Variants in COG5 observed in about 807,000 individuals in gnomAD.
The protein encoded by COG5 is conserved oligomeric Golgi complex subunit 5.
A neutral mutation model predicts 110.4 loss-of-function variants in COG5; 86 were observed. The ratio of observed to expected loss-of-function variants is 0.78; its 90% confidence interval spans 0.65 to 0.93. COG5 has a LOEUF of 0.93. Ranked by LOEUF, COG5 falls within the 40% of genes least tolerant of loss-of-function variation. The pLI is 0.00. For synonymous variants in COG5, 360 were observed against 334.6 expected (o/e 1.08, Z -0.83); for missense variants, 1,077 against 987.0 (o/e 1.09, Z -1.22).
intron 6 of COG5, among the ~76,000 whole-genome samples, chr7:107,468,853 T>C (rs1273800941): frequency 6.6e-6 from 1 of 152,072 alleles, no homozygotes; most frequent in Non-Finnish European, 1.5e-5. Flanking sequence ...TTTAGCCACA[T>C]GTAATGTCCT....
At chr7:107,343,941 G>A (rs1184412107) in intron 10 of COG5, among the ~76,000 whole-genome samples, 3 of 151,056 alleles carry the variant, frequency 2.0e-5, no homozygotes, top group African/African-American at 7.3e-5. Flanking sequence ...ATAAACAGAT[G>A]TGCTATCCTC....
intron 12 of COG5, among the ~76,000 whole-genome samples, chr7:107,289,593 G>A (rs1298983571): frequency 6.6e-6 from 1 of 152,068 alleles, no homozygotes; most frequent in Non-Finnish European, 1.5e-5. Context: ...TCAATTTGGG[G>A]GGCATTACCA....
chr7:107,324,882 A>G (rs1358498323), intron 10 of COG5, among the ~76,000 whole-genome samples: 1 of 152,206 alleles, frequency 6.6e-6, no homozygotes, highest in Non-Finnish European at 1.5e-5. Flanking sequence ...CTGAAATACA[A>G]TAAACTCAAT....
At chr7:107,390,516 T>C (rs980784414) in intron 7 of COG5, among the ~76,000 whole-genome samples, 1 of 151,854 alleles carries the variant, frequency 6.6e-6, no homozygotes, top group African/African-American at 2.4e-5. Flanking sequence ...CAATCCACAG[T>C]TGGGATGAGG....
At chr7:107,437,496 T>C (rs17154077) in intron 6 of COG5, among the ~76,000 whole-genome samples, 43,125 of 151,988 alleles carry the variant, frequency 0.28, 6,154 homozygotes, top group East Asian at 0.33. Context: ...TTTTACTGGA[T>C]GACTATTATC....
At chr7:107,438,999 T>C (rs2129084916) in intron 6 of COG5, among the ~76,000 whole-genome samples, 1 of 152,280 alleles carries the variant, frequency 6.6e-6, no homozygotes, top group African/African-American at 2.4e-5. Flanking sequence ...AACTCCAGCT[T>C]TGAATCTCAT....
intron 6 of COG5, among the ~76,000 whole-genome samples, chr7:107,465,040 G>T (rs911309470): frequency 6.6e-6 from 1 of 152,082 alleles, no homozygotes; most frequent in East Asian, 1.9e-4. Flanking sequence ...CAGCATATCC[G>T]GCAAGAATGT....
chr7:107,468,530 A>G (rs1796440193), intron 6 of COG5, among the ~76,000 whole-genome samples: 1 of 152,096 alleles, frequency 6.6e-6, no homozygotes. Context: ...ATAGCAGCAC[A>G]ACATTTTCAT....
chr7:107,513,918 G>A (rs1799728182), intron 6 of COG5, among the ~76,000 whole-genome samples: 1 of 151,978 alleles, frequency 6.6e-6, no homozygotes, highest in Non-Finnish European at 1.5e-5. Context: ...GAAGAGGGGA[G>A]GGAAAGCATT....
intron 16 of COG5, among the ~76,000 whole-genome samples, chr7:107,248,913 G>C (rs1190968521): frequency 6.6e-6 from 1 of 152,170 alleles, no homozygotes; most frequent in Non-Finnish European, 1.5e-5. Flanking sequence ...TAACCAGAGT[G>C]AATATAATAA....
chr7:107,396,674 A>G (rs936061685), intron 7 of COG5, among the ~76,000 whole-genome samples: 2 of 152,226 alleles, frequency 1.3e-5, no homozygotes, highest in African/African-American at 2.4e-5. Context: ...ATCAATATGG[A>G]GAAGAAGAGC....
rs142392730 is a variant in COG5 at position 107,431,438 on chromosome 7, G to C, written c.539-18806C>G. ...TTTACAACTGGCAAATCTAGGTTAT[G>C]GGTAAGGGGTGTTTATTTTACTATT... On this transcript the variant is annotated intron_variant, in intron 6 of 21. Transcript: ENST00000297135. Among the ~76,000 whole-genome samples the C allele has an allele frequency of 1.3e-3, 203 of 152,216 alleles. 2 individuals carry two copies. Among genetic ancestry groups the C allele is most frequent in the African/African-American group, 4.5e-3 (189 of 41,542 alleles).
At chr7:107,336,368 G>C (rs774004356) in intron 10 of COG5, among the ~76,000 whole-genome samples, 16 of 152,078 alleles carry the variant, frequency 1.1e-4, no homozygotes, top group Non-Finnish European at 2.1e-4. Context: ...GAGTAGACTG[G>C]TGGTTACCAG....
At chr7:107,329,470 T>C (rs892271044) in intron 10 of COG5, among the ~76,000 whole-genome samples, 11 of 152,260 alleles carry the variant, frequency 7.2e-5, no homozygotes, top group Admixed American at 5.9e-4. Flanking sequence ...TGTGTATGTA[T>C]GATGTATCCC....
At chr7:107,210,213 G>A in intron 21 of COG5, 2 of 1,214,904 alleles carry the variant, frequency 1.6e-6, no homozygotes, top group Non-Finnish European at 2.1e-6. Context: ...AAGATGCGGA[G>A]CTAGGGCAAA....
At chr7:107,466,565 A>T (rs536682166) in intron 6 of COG5, among the ~76,000 whole-genome samples, 1 of 152,334 alleles carries the variant, frequency 6.6e-6, no homozygotes, top group Admixed American at 6.5e-5. Context: ...TCATATAGAA[A>T]ATGAATCACC....
chr7:107,441,827 AAG>A (rs1258924001), intron 6 of COG5, among the ~76,000 whole-genome samples: 23 of 152,334 alleles, frequency 1.5e-4, no homozygotes, highest in African/African-American at 5.3e-4. Context: ...ACTTCACTAA[AAG>A]AGTTTAAATT....
intron 19 of COG5, among the ~76,000 whole-genome samples, chr7:107,221,278 G>A (rs542906848): frequency 1.3e-5 from 2 of 152,146 alleles, no homozygotes; most frequent in South Asian, 4.2e-4. Context: ...AAGACCCCAG[G>A]GGTGGGGGTG....
intron 14 of COG5, among the ~76,000 whole-genome samples, chr7:107,277,135 C>G (rs527244528): frequency 6.6e-6 from 1 of 152,010 alleles, no homozygotes; most frequent in Non-Finnish European, 1.5e-5. Context: ...ATATTATGCA[C>G]GTATTAACAT....
Sources: allele counts gnomAD v4.1 joint callset (sites outside exome capture counted in the v4.1 genomes callset), GRCh38; gene constraint gnomAD v4.1.1; transcripts MANE v1.5; gene names NCBI Gene and HGNC (gene_info 2026-07-23, HGNC 2026-07-21).